Variants in AK5 observed in about 807,000 individuals in gnomAD.
AK5 encodes adenylate kinase isoenzyme 5.
In AK5, 27 loss-of-function variants were observed where a neutral mutation model predicts 69.5. The ratio of observed to expected loss-of-function variants is 0.39; its 90% CI spans 0.29 to 0.54. The LOEUF is 0.54. AK5 is among the 20% of genes least tolerant of loss of function. The pLI is 0.71. For missense variants in AK5, 531 were observed against 700.4 expected (o/e 0.76, Z 2.73); for synonymous variants, 260 against 244.4 (o/e 1.06, Z -0.60).
At chr1:77,351,136 G>A (rs547177077) in intron 6 of AK5, among the ~76,000 whole-genome samples, 100 of 152,306 alleles carry the variant, frequency 6.6e-4, no homozygotes, top group Non-Finnish European at 1.2e-3. Context: ...GCTCATGTCT[G>A]TAATCCCAAC....
intron 7 of AK5, among the ~76,000 whole-genome samples, chr1:77,416,251 C>T (rs1650420051): frequency 6.6e-6 from 1 of 152,098 alleles, no homozygotes; most frequent in East Asian, 1.9e-4. Flanking sequence ...TAAAGTTTCC[C>T]ACCTCTACCT....
At chr1:77,299,403 G>A (rs1659210426) in intron 5 of AK5, among the ~76,000 whole-genome samples, 1 of 152,016 alleles carries the variant, frequency 6.6e-6, no homozygotes. Context: ...TATGATGTCA[G>A]TTTATGCATC....
chr1:77,406,625 G>A (rs1353400413), intron 6 of AK5, among the ~76,000 whole-genome samples: 3 of 151,608 alleles, frequency 2.0e-5, no homozygotes, highest in African/African-American at 7.3e-5. Context: ...ATGCCACCTG[G>A]TAAGATGGAA....
intron 8 of AK5, among the ~76,000 whole-genome samples, chr1:77,478,283 C>G (rs1405306787): frequency 6.6e-6 from 1 of 152,108 alleles, no homozygotes; most frequent in African/African-American, 2.4e-5. Flanking sequence ...GCTCTGTGTC[C>G]CCACCCAAAT....
At chr1:77,283,446 G>T (rs1015784437) in intron 1 of AK5, 15 of 985,264 alleles carry the variant, frequency 1.5e-5, no homozygotes, top group Admixed American at 6.1e-5. Flanking sequence ...CCCCCGGTTT[G>T]GGGGATTTGT....
chr1:77,304,426 A>G (rs1659521417), intron 5 of AK5, among the ~76,000 whole-genome samples: 1 of 137,982 alleles, frequency 7.2e-6, no homozygotes, highest in South Asian at 2.2e-4. Flanking sequence ...TTTTTTTGAC[A>G]TGGAGTTTCA....
chr1:77,427,759 A>G (rs1228568065), intron 8 of AK5, among the ~76,000 whole-genome samples: 1 of 152,248 alleles, frequency 6.6e-6, no homozygotes, highest in African/African-American at 2.4e-5. Flanking sequence ...CTTAATGATG[A>G]GAAACTTGAA....
chr1:77,412,070 A>G (rs1650082272), intron 7 of AK5, among the ~76,000 whole-genome samples: 1 of 152,186 alleles, frequency 6.6e-6, no homozygotes, highest in African/African-American at 2.4e-5. Flanking sequence ...TATTTAGAAG[A>G]TGCTTTAGAA....
intron 6 of AK5, among the ~76,000 whole-genome samples, chr1:77,378,185 T>C (rs112258474): frequency 0.026 from 3,975 of 152,370 alleles, 81 homozygotes; most frequent in Middle Eastern, 0.041. Flanking sequence ...TAGGGTGTTA[T>C]GAAAATTTTA....
At chr1:77,304,813 C>T (rs1028407101) in intron 5 of AK5, among the ~76,000 whole-genome samples, 5 of 152,220 alleles carry the variant, frequency 3.3e-5, no homozygotes, top group Non-Finnish European at 7.3e-5. Flanking sequence ...ATGCAGATAT[C>T]TCTTCGATAT....
chr1:77,382,767 C>A (rs548288987), intron 6 of AK5, among the ~76,000 whole-genome samples: 1 of 152,176 alleles, frequency 6.6e-6, no homozygotes, highest in Non-Finnish European at 1.5e-5. Context: ...AAAGAGTTAA[C>A]ATGGATACTA....
chr1:77,458,762 C>T (rs1653652697), intron 8 of AK5, among the ~76,000 whole-genome samples: 1 of 152,170 alleles, frequency 6.6e-6, no homozygotes, highest in African/African-American at 2.4e-5. Context: ...ATGGGAGCTA[C>T]AAGATGAGAT....
chr1:77,344,306 A>G (rs532216679), intron 6 of AK5, among the ~76,000 whole-genome samples: 1 of 152,354 alleles, frequency 6.6e-6, no homozygotes, highest in East Asian at 1.9e-4. Flanking sequence ...GAATGAAAAT[A>G]ATATGAAATC....
chr1:77,292,367 G>T, intron 2 of AK5, among the ~76,000 whole-genome samples: 1 of 152,216 alleles, frequency 6.6e-6, no homozygotes, highest in East Asian at 1.9e-4. Context: ...TGAATCTAGT[G>T]GGTCTGTGGT....
At chr1:77,352,423 A>G (rs1445725596) in intron 6 of AK5, among the ~76,000 whole-genome samples, 1 of 152,254 alleles carries the variant, frequency 6.6e-6, no homozygotes. Context: ...GCCTGAAGCC[A>G]GTAAACAAGG....
chr1:77,531,988 A>AACCGGCCG (rs1658641517), intron 12 of AK5: 1 of 81,306 alleles, frequency 1.2e-5, no homozygotes. Flanking sequence ...GCCTGCGGCC[A>AACCGGCCG]TCCGGCCGGC....
Position 77,432,599 on chromosome 1 carries a change from C to T in AK5, c.1059+14884C>T, listed in dbSNP as rs189356093. ...TGAGCCATGAATCCAGTCTTAAAGA[C>T]AAACAATTGAATAAAGCAAATGACC... On this transcript the variant is annotated intron_variant, in intron 8 of 13. Transcript: ENST00000354567. Among the ~76,000 whole-genome samples, 6 of 152,250 alleles carry T rather than the reference C, an allele frequency of 3.9e-5. 1 individual carries two copies. Among genetic ancestry groups the T allele is most frequent in the Admixed American group, 3.9e-4 (6 of 15,294 alleles).
intron 6 of AK5, among the ~76,000 whole-genome samples, chr1:77,345,300 G>A (rs1296676910): frequency 2.0e-5 from 3 of 152,136 alleles, no homozygotes; most frequent in South Asian, 2.1e-4. Flanking sequence ...TAATTCATAC[G>A]CAGGTTTACC....
In AK5 at chr1:77,378,974, C is replaced by CAG. The variant is rs559111657; in HGVS notation, c.892-32005_892-32004dup. Reference sequence around the variant, plus strand: ...GCTTTCATAGTCTTGGAGGTCTGGGCAGAAACACACCACAGCAGGCACAAG... The same window carrying CAG: ...GCTTTCATAGTCTTGGAGGTCTGGGCAGAGAAACACACCACAGCAGGCACAAG... On this transcript the variant is annotated intron_variant, in intron 6 of 13. Transcript: ENST00000354567. Among the ~76,000 whole-genome samples the CAG allele has an allele frequency of 4.9e-3, 739 of 152,252 alleles. 4 individuals are homozygous for CAG. Among genetic ancestry groups the CAG allele is most frequent in the African/African-American group, 0.017 (707 of 41,558 alleles).
Sources: allele counts gnomAD v4.1 joint callset (sites outside exome capture counted in the v4.1 genomes callset), GRCh38; gene constraint gnomAD v4.1.1; transcripts MANE v1.5; gene names NCBI Gene and HGNC (gene_info 2026-07-23, HGNC 2026-07-21).